BTRC: variants seen among roughly 807,000 people sequenced by gnomAD.
BTRC encodes F-box/WD repeat-containing protein 1A.
Under a neutral mutation model 85.5 loss-of-function variants are expected in BTRC, and 42 were observed. The observed-to-expected ratio is 0.49, with a 90% CI of 0.38 to 0.64. The LOEUF (loss-of-function observed/expected upper bound fraction) is 0.64, where lower values mean the gene tolerates loss of function less well. BTRC is among the 30% of genes least tolerant of loss of function. The pLI, the probability that BTRC is intolerant of heterozygous loss-of-function variation, is 0.00. For missense variants in BTRC, 594 were observed against 743.5 expected (o/e 0.80, Z 2.34); for synonymous variants, 255 against 263.3 (o/e 0.97, Z 0.30).
At chr10:101,401,700 C>T (rs1380863815) in intron 1 of BTRC, among the ~76,000 whole-genome samples, 2 of 151,792 alleles carry the variant, frequency 1.3e-5, no homozygotes, top group African/African-American at 4.8e-5. Context: ...AGGCTGCTTG[C>T]AGTGGCTCAC....
At chr10:101,469,287 A>G (rs566791325) in intron 3 of BTRC, among the ~76,000 whole-genome samples, 2 of 152,342 alleles carry the variant, frequency 1.3e-5, no homozygotes, top group African/African-American at 4.8e-5. Flanking sequence ...TAAAGGAACT[A>G]TGACAAATTT....
In BTRC at chr10:101,366,811, TATATATATTA is replaced by T. The variant is rs1165778683; in HGVS notation, c.48+12593_48+12602del. On this transcript the variant is annotated intron_variant, in intron 1 of 14. Coordinates refer to ENST00000370187, the MANE Select transcript of BTRC (RefSeq NM_033637.4). ...ATATTTTTACATTTATATATATATT[TATATATATTA>T]ATATATATTTATATATATTTATGTA... 7.4e-4 allele frequency among the ~76,000 whole-genome samples: 56 copies of T among 76,134 alleles called. 7 individuals are homozygous for T. Among genetic ancestry groups the T allele is most frequent in the African/African-American group, 3.4e-3 (54 of 16,026 alleles). 49.9% of individuals were successfully genotyped at this position (76,134 alleles called of 152,430 possible).
intron 1 of BTRC, among the ~76,000 whole-genome samples, chr10:101,386,695 A>C (rs1369293929): frequency 3.3e-5 from 5 of 152,200 alleles, no homozygotes; most frequent in African/African-American, 9.7e-5. Context: ...GACAGCCTGA[A>C]TTAGAGCCCA....
chr10:101,359,042 C>CT (rs1484390950), intron 1 of BTRC, among the ~76,000 whole-genome samples: 1 of 152,052 alleles, frequency 6.6e-6, no homozygotes, highest in Non-Finnish European at 1.5e-5. Flanking sequence ...GGAGGCATCT[C>CT]TTTTTTTGAG....
intron 5 of BTRC, among the ~76,000 whole-genome samples, chr10:101,525,432 C>G (rs1284255990): frequency 6.6e-6 from 1 of 152,166 alleles, no homozygotes; most frequent in African/African-American, 2.4e-5. Context: ...CTTAAACATA[C>G]ATCTCTGTCT....
intron 3 of BTRC, 113 bp downstream of exon 3, chr10:101,462,171 C>T (rs1001293462): frequency 2.8e-5 from 22 of 794,276 alleles, no homozygotes; most frequent in Admixed American, 1.6e-4. Context: ...TAAGAGTACT[C>T]GGACGTTGGC....
Position 101,385,738 on chromosome 10 carries a change from C to A in BTRC, c.48+31510C>A, listed in dbSNP as rs184796764. 2.3e-4 allele frequency among the ~76,000 whole-genome samples: 35 copies of A among 149,904 alleles called. No individual in the cohort carries two copies. The Admixed American group carries it at 2.3e-3, about 10-fold the overall frequency. On this transcript the variant is annotated intron_variant, in intron 1 of 14. Transcript: ENST00000370187. ...GATCCTTCCTCTTCCCAGACACACA[C>A]ACACACATATGTTTTGTACAAAATT...
intron 6 of BTRC, among the ~76,000 whole-genome samples, chr10:101,527,384 G>A (rs1301814348): frequency 1.3e-5 from 2 of 151,928 alleles, no homozygotes; most frequent in Admixed American, 6.6e-5. Flanking sequence ...TGGCTATTAG[G>A]AAGACTGTTT....
At chr10:101,522,941 C>T (rs1353713742) in intron 5 of BTRC, among the ~76,000 whole-genome samples, 1 of 152,112 alleles carries the variant, frequency 6.6e-6, no homozygotes, top group Non-Finnish European at 1.5e-5. Context: ...CACGGTGGCT[C>T]AGGCCTGTAA....
intron 2 of BTRC, among the ~76,000 whole-genome samples, chr10:101,432,320 G>T (rs1392505806): frequency 2.0e-5 from 3 of 151,800 alleles, no homozygotes; most frequent in African/African-American, 4.8e-5. Context: ...TGGAGATAGG[G>T]TTTCACCATG....
At chr10:101,449,428 A>G (rs576832530) in intron 2 of BTRC, among the ~76,000 whole-genome samples, 2 of 152,256 alleles carry the variant, frequency 1.3e-5, no homozygotes, top group South Asian at 4.1e-4. Context: ...TCGAGTTACA[A>G]AAATAACCAG....
intron 1 of BTRC, among the ~76,000 whole-genome samples, chr10:101,383,315 T>C (rs867059970): frequency 8.6e-5 from 13 of 151,990 alleles, no homozygotes; most frequent in African/African-American, 3.1e-4. Flanking sequence ...AGAATTTGCA[T>C]TTCTAACTAG....
intron 1 of BTRC, among the ~76,000 whole-genome samples, chr10:101,406,396 C>T (rs1943622115): frequency 6.6e-6 from 1 of 151,714 alleles, no homozygotes; most frequent in African/African-American, 2.4e-5. Flanking sequence ...GATCTCCTGA[C>T]CTCGTGATCC....
intron 3 of BTRC, among the ~76,000 whole-genome samples, chr10:101,464,599 C>G (rs1054982693): frequency 7.5e-4 from 92 of 122,846 alleles, no homozygotes; most frequent in Admixed American, 1.6e-3. Context: ...GTGTTGAGAT[C>G]CAAGCTCTGG....
At position 101,534,660 on chromosome 10, in the gene BTRC, G is replaced by C. The variant is rs1257343335; in HGVS notation, c.1098-1G>C. 6.2e-7 allele frequency: 1 copy of C among 1,613,988 alleles called. No homozygotes were observed. Among genetic ancestry groups the C allele is most frequent in the East Asian group, 2.2e-5 (1 of 44,888 alleles). ...ATCTAAATCTCATCTATCACTTCCA[G>C]AGTGTGGGATGTAAATACAGGTGAA... On this transcript the variant is annotated splice_acceptor_variant, in intron 9 of 14. Coordinates refer to ENST00000370187, the MANE Select transcript of BTRC (RefSeq NM_033637.4). LOFTEE classifies it high-confidence loss of function.
At chr10:101,448,891 T>C (rs1944892545) in intron 2 of BTRC, among the ~76,000 whole-genome samples, 1 of 151,990 alleles carries the variant, frequency 6.6e-6, no homozygotes, top group Non-Finnish European at 1.5e-5. Flanking sequence ...TTTTTCAGCC[T>C]TGGGAACCAA....
chr10:101,369,576 G>A (rs946666368), intron 1 of BTRC, among the ~76,000 whole-genome samples: 1 of 152,142 alleles, frequency 6.6e-6, no homozygotes, highest in African/African-American at 2.4e-5. Flanking sequence ...TCTTTTAGAA[G>A]TTTCTTTTAG....
At chr10:101,364,365 G>A (rs1942302766) in intron 1 of BTRC, among the ~76,000 whole-genome samples, 1 of 152,076 alleles carries the variant, frequency 6.6e-6, no homozygotes, top group African/African-American at 2.4e-5. Flanking sequence ...CAATATCATG[G>A]TGCTATTCTT....
At chr10:101,472,624 G>A (rs1945563146) in intron 3 of BTRC, among the ~76,000 whole-genome samples, 1 of 152,142 alleles carries the variant, frequency 6.6e-6, no homozygotes, top group African/African-American at 2.4e-5. Context: ...AGACCAGCCT[G>A]GCCAATATGG....
Sources: gnomAD v4.1 joint callset for allele counts (sites outside exome capture counted in the v4.1 genomes callset) on GRCh38, gnomAD v4.1.1 for gene constraint, MANE v1.5 for transcripts, NCBI Gene and HGNC (gene_info 2026-07-23, HGNC 2026-07-21) for gene names.